PUDP: variants seen among roughly 807,000 people sequenced by gnomAD.
The protein encoded by PUDP is pseudouridine 5'-phosphatase.
PUDP carries 8 observed loss-of-function variants against 9.4 expected under a neutral mutation model. The observed-to-expected ratio is 0.85, with a 90% CI of 0.50 to 1.53. The LOEUF (loss-of-function observed/expected upper bound fraction) is 1.53, where lower values mean the gene tolerates loss of function less well. PUDP is among the 40% of genes most tolerant of loss of function. The pLI is 0.00. For missense variants in PUDP, 188 were observed against 189.7 expected, an observed-to-expected ratio of 0.99 and a Z score of 0.05; for synonymous variants, 99 against 80.7, an observed-to-expected ratio of 1.23 and a Z score of -1.22.
chrX:6,931,369 T>G (rs7881513), intron 3 of PUDP, among the ~76,000 whole-genome samples: 2,224 of 111,320 alleles, frequency 0.02, 52 homozygotes, highest in African/African-American at 0.07. Context: ...AGAGACGAGG[T>G]CTCGCTATGT....
In PUDP at chrX:7,050,813, A is replaced by C. The variant is rs1367864785; in HGVS notation, c.511-341T>G. ...CTGTTCAATCAATAATTGAACATTC[A>C]GAGTGTGAGAGGCAATTGCAAAACT... On this transcript the variant is annotated intron_variant, in intron 3 of 3. Transcript: ENST00000381077. 3.6e-5 allele frequency among the ~76,000 whole-genome samples: 4 copies of C among 112,562 alleles called. No homozygotes were observed. In the East Asian group the frequency reaches 1.1e-3, roughly 31 times the overall value.
At position 6,803,112 on chromosome X, in the gene PUDP, T is replaced by C. The variant is rs377111579; in HGVS notation, c.*248-96646A>G. ...TAAAATAAAATAAAATAAAATAAAA[T>C]AAAATAAAACAAAATAAAATAAAAT... is the stretch of plus-strand genomic sequence containing the variant. On this transcript the variant is annotated intron_variant and NMD_transcript_variant, in intron 3 of 3. Coordinates refer to the PUDP transcript ENST00000655425. Among the ~76,000 whole-genome samples the C allele has an allele frequency of 1.1e-3, 111 of 100,430 alleles. 1 individual carries two copies. The highest frequency in any genetic ancestry group is 3.1e-3 in the African/African-American group (85 of 27,630). 87.2% of individuals were successfully genotyped at this position (100,430 alleles called of 115,157 possible).
intron 3 of PUDP, among the ~76,000 whole-genome samples, chrX:6,798,750 T>A (rs1197796866): frequency 9.1e-6 from 1 of 110,106 alleles, no homozygotes; most frequent in African/African-American, 3.3e-5. Flanking sequence ...GCATTTAAAA[T>A]AATAAATCAT....
chrX:7,088,748 C>T (rs1352630098), intron 2 of PUDP, among the ~76,000 whole-genome samples: 3 of 112,116 alleles, frequency 2.7e-5, no homozygotes, highest in Non-Finnish European at 5.6e-5. Context: ...GTACTAACCC[C>T]TGATCCCTTT....
chrX:7,116,690 G>A (rs766749794), intron 1 of PUDP, among the ~76,000 whole-genome samples: 1 of 112,203 alleles, frequency 8.9e-6, no homozygotes, highest in South Asian at 3.7e-4. Context: ...CAGTGTTTAT[G>A]AGGAGAAACT....
At chrX:6,929,403 GCAAGGGCTTCCAGGT>G (rs1200607533) in intron 3 of PUDP, among the ~76,000 whole-genome samples, 1 of 112,455 alleles carries the variant, frequency 8.9e-6, no homozygotes, top group Non-Finnish European at 1.9e-5. Flanking sequence ...ACAACCGGAA[GCAAGGGCTTCCAGGT>G]CACAGGTGGT....
intron 3 of PUDP, among the ~76,000 whole-genome samples, chrX:6,732,250 A>G (rs930087075): frequency 1.8e-5 from 2 of 109,884 alleles, no homozygotes; most frequent in Non-Finnish European, 3.8e-5. Context: ...TGGGCTCCCA[A>G]AGATAGATTT....
intron 3 of PUDP, among the ~76,000 whole-genome samples, chrX:6,941,656 T>C (rs975779773): frequency 2.9e-5 from 3 of 105,211 alleles, no homozygotes; most frequent in Non-Finnish European, 6.0e-5. Context: ...GGTTGAGTCA[T>C]CTTGTGGAAA....
At chrX:6,788,166 C>A (rs866673078) in intron 3 of PUDP, among the ~76,000 whole-genome samples, 3 of 111,852 alleles carry the variant, frequency 2.7e-5, no homozygotes, top group Non-Finnish European at 3.8e-5. Context: ...ACCTTGAGCA[C>A]CCACGCGACC....
At chrX:6,950,284 G>A (rs1335112706) in intron 3 of PUDP, among the ~76,000 whole-genome samples, 1 of 91,950 alleles carries the variant, frequency 1.1e-5, no homozygotes, top group Admixed American at 1.3e-4. Flanking sequence ...GCTGCAATGA[G>A]CCTTGATCAT....
intron 2 of PUDP, 140 bp downstream of exon 2, chrX:7,105,480 G>C: frequency 2.3e-6 from 1 of 433,442 alleles, no homozygotes; most frequent in Non-Finnish European, 4.0e-6. Flanking sequence ...ACTCTTTCAG[G>C]AGCACCAGGA....
chrX:6,964,233 T>C (rs1928749092), intron 3 of PUDP, among the ~76,000 whole-genome samples: 1 of 112,529 alleles, frequency 8.9e-6, no homozygotes, highest in Admixed American at 9.4e-5. Context: ...ATATGTCTTA[T>C]TTTCTGGAAA....
chrX:7,101,804 A>G (rs1931744162), intron 2 of PUDP, among the ~76,000 whole-genome samples: 1 of 111,899 alleles, frequency 8.9e-6, no homozygotes, highest in South Asian at 3.7e-4. Context: ...AAACACTCAT[A>G]TGACTAAAAT....
rs890900121 is a variant in PUDP, at chrX:6,868,032, C to G, written c.*247+109101G>C. On this transcript the variant is annotated intron_variant and NMD_transcript_variant, in intron 3 of 3. Transcript: ENST00000655425. ...TCTTCTTAGGCCCTACCTTCCAGCA[C>G]TGGTTGCATTGGGATTTCAGTTTCC... Among the ~76,000 whole-genome samples, 4 of 111,463 alleles carry G rather than the reference C, an allele frequency of 3.6e-5. No individual in the cohort carries two copies. The Admixed American group carries it at 3.8e-4, about 11-fold the overall frequency.
intron 3 of PUDP, among the ~76,000 whole-genome samples, chrX:6,769,528 C>T (rs996298039): frequency 3.6e-5 from 4 of 112,077 alleles, no homozygotes; most frequent in African/African-American, 9.7e-5. Flanking sequence ...CGGGAGCCTC[C>T]ATTTCAAATC....
intron 3 of PUDP, among the ~76,000 whole-genome samples, chrX:6,736,141 A>G (rs1440152633): frequency 9.0e-6 from 1 of 110,800 alleles, no homozygotes; most frequent in Non-Finnish European, 1.9e-5. Flanking sequence ...TTCATTCAAG[A>G]AAAAAAAACA....
intron 1 of PUDP, among the ~76,000 whole-genome samples, chrX:7,133,002 G>A (rs1932657985): frequency 1.8e-5 from 2 of 112,158 alleles, no homozygotes; most frequent in African/African-American, 6.5e-5. Context: ...TGACACAGAA[G>A]TGGCTTTGAA....
At chrX:6,884,806 T>C in intron 3 of PUDP, among the ~76,000 whole-genome samples, 1 of 112,520 alleles carries the variant, frequency 8.9e-6, no homozygotes, top group South Asian at 3.7e-4. Context: ...AAATATCCAA[T>C]ATTGGTTTCC....
intron 3 of PUDP, among the ~76,000 whole-genome samples, chrX:6,894,340 T>C (rs747477605): frequency 3.6e-5 from 4 of 112,046 alleles, no homozygotes; most frequent in Non-Finnish European, 7.5e-5. Flanking sequence ...GGTATTGTCA[T>C]ACATTTGGAA....
Sources: allele counts gnomAD v4.1 joint callset (sites outside exome capture counted in the v4.1 genomes callset), GRCh38; gene constraint gnomAD v4.1.1; transcripts MANE v1.5; gene names NCBI Gene and HGNC (gene_info 2026-07-23, HGNC 2026-07-21).